Variants in WDSUB1 observed in about 807,000 individuals in gnomAD.
The protein encoded by WDSUB1 is WD repeat, sterile alpha motif and U-box domain containing 1.
WDSUB1 carries 49 observed loss-of-function variants against 53.9 expected under a neutral mutation model. The ratio of observed to expected loss-of-function variants is 0.91; its 90% CI spans 0.72 to 1.15. The LOEUF (loss-of-function observed/expected upper bound fraction) is 1.15, where lower values mean the gene tolerates loss of function less well. Ranked by LOEUF, WDSUB1 falls within the 50% of genes most tolerant of loss-of-function variation. The pLI is 0.00. For missense variants in WDSUB1, 514 were observed against 562.0 expected, an observed-to-expected ratio of 0.91 and a Z score of 0.86; for synonymous variants, 194 against 200.6, an observed-to-expected ratio of 0.97 and a Z score of 0.28.
At chr2:159,247,189 C>T (rs559530437) in intron 10 of WDSUB1, among the ~76,000 whole-genome samples, 1 of 152,270 alleles carries the variant, frequency 6.6e-6, no homozygotes, top group African/African-American at 2.4e-5. Flanking sequence ...AGCTAATTGA[C>T]TTTTATTGAG....
At chr2:159,255,422 G>A (rs964818066) in intron 9 of WDSUB1, among the ~76,000 whole-genome samples, 3 of 152,074 alleles carry the variant, frequency 2.0e-5, no homozygotes, top group Admixed American at 1.3e-4. Flanking sequence ...AACCGAGATC[G>A]CGCCACTGCA....
intron 6 of WDSUB1, 96 bp downstream of exon 6, chr2:159,259,713 GA>G: frequency 7.7e-7 from 1 of 1,302,448 alleles, no homozygotes; most frequent in Non-Finnish European, 1.0e-6. Flanking sequence ...ATACTAAACA[GA>G]AAAAATATAT....
chr2:159,257,275 T>C (rs1193885458), intron 8 of WDSUB1, among the ~76,000 whole-genome samples: 1 of 152,192 alleles, frequency 6.6e-6, no homozygotes, highest in African/African-American at 2.4e-5. Context: ...GTGCTGGGAT[T>C]ATAAGTGTGA....
intron 5 of WDSUB1, among the ~76,000 whole-genome samples, chr2:159,261,327 G>A (rs2061183796): frequency 6.6e-6 from 1 of 152,152 alleles, no homozygotes; most frequent in South Asian, 2.1e-4. Flanking sequence ...GCATCCACAG[G>A]TTTTGGTATC....
intron 3 of WDSUB1, among the ~76,000 whole-genome samples, chr2:159,276,693 G>A (rs569200138): frequency 5.3e-5 from 8 of 152,294 alleles, no homozygotes; most frequent in African/African-American, 1.9e-4. Context: ...GTTTCATCAA[G>A]TAAGTTTTGG....
intron 6 of WDSUB1, 81 bp downstream of exon 6, chr2:159,259,729 T>C (rs1332205351): frequency 7.3e-7 from 1 of 1,372,774 alleles, no homozygotes; most frequent in Non-Finnish European, 9.8e-7. Flanking sequence ...ATATATACTT[T>C]TTCTACCAGG....
rs111752652 is a variant in WDSUB1, at chr2:159,280,708, A to AAAAAAAAAC, written c.399-764_399-763insGTTTTTTTT. ...TCCGTCTCAAAAAAAAAAAAAAAAA[A>AAAAAAAAAC]ATTACCCAGAAGCAATGGCGAGGTC... is the stretch of plus-strand genomic sequence containing the variant. On this transcript the variant is annotated intron_variant, in intron 2 of 10. Coordinates refer to ENST00000359774, the MANE Select transcript of WDSUB1 (RefSeq NM_001128212.3). 6.0e-5 allele frequency among the ~76,000 whole-genome samples: 8 copies of AAAAAAAAAC among 134,316 alleles called. 2 individuals carry two copies. The highest frequency in any genetic ancestry group is 1.7e-4 in the African/African-American group (5 of 29,634). 88.1% of individuals were successfully genotyped at this position (134,316 alleles called of 152,430 possible). A position where few individuals can be genotyped will look rare whatever the true frequency, so the allele number is the denominator to read the frequency against.
At chr2:159,256,152 G>T in intron 9 of WDSUB1, 44 bp downstream of exon 9, 1 of 1,546,878 alleles carries the variant, frequency 6.5e-7, no homozygotes, top group Non-Finnish European at 8.7e-7. Context: ...AGAGTAATTT[G>T]GTAAAAGTTG....
chr2:159,279,842 C>T lies in WDSUB1; in HGVS notation c.502G>A (p.Asp168Asn). 6.2e-7 allele frequency: 1 copy of T among 1,612,660 alleles called. No individual in the cohort carries two copies. The highest frequency in any genetic ancestry group is 8.5e-7 in the Non-Finnish European group (1 of 1,178,988). The change falls in exon 3 of 11, where the codon GAT becomes AAT. Residue 168 changes from aspartate (D) to asparagine (N), a missense_variant. By Grantham distance (23) the Asp-to-Asn change is conservative. Transcript: ENST00000359774. ...TCACTATGCAGACACCTCATTTTATCATCCCACACTGTTAAATCACCACAT... is the reference window on the plus strand; with the variant it reads ...TCACTATGCAGACACCTCATTTTATTATCCCACACTGTTAAATCACCACAT... ...SSCGDLTVWD[D>N]KMRCLHSEKA...
Position 159,259,036 on chromosome 2 carries a change from A to AATTTTTTTTTTTTTTTTTTTTTTT in WDSUB1, c.804+773_804+774insAAAAAAAAAAAAAAAAAAAAAAAT, listed in dbSNP as rs1436442238. On this transcript the variant is annotated intron_variant, in intron 6 of 10. Transcript: ENST00000359774. ...GGACAATATTTTTTTCAACTACTTTATTTTTGAGACAGGGTCTCACTCTGT... is the reference window on the plus strand; with the variant it reads ...GGACAATATTTTTTTCAACTACTTTAATTTTTTTTTTTTTTTTTTTTTTTTTTTTGAGACAGGGTCTCACTCTGT... Among the ~76,000 whole-genome samples the AATTTTTTTTTTTTTTTTTTTTTTT allele has an allele frequency of 1.9e-4, 28 of 150,686 alleles. 1 individual carries two copies. Among genetic ancestry groups the AATTTTTTTTTTTTTTTTTTTTTTT allele is most frequent in the East Asian group, 6.1e-4 (3 of 4,954 alleles).
chr2:159,239,875 A>AAAAACTAAACTTCT (rs2060597527), intron 10 of WDSUB1, among the ~76,000 whole-genome samples: 1 of 152,194 alleles, frequency 6.6e-6, no homozygotes, highest in Non-Finnish European at 1.5e-5. Flanking sequence ...TGAGGTTCTG[A>AAAAACTAAACTTCT]GAAACTAAAC....
chr2:159,269,113 G>C (rs1208974119), intron 5 of WDSUB1, among the ~76,000 whole-genome samples: 4 of 150,944 alleles, frequency 2.6e-5, no homozygotes, highest in Non-Finnish European at 5.9e-5. Flanking sequence ...GGCAATACTT[G>C]AAGAGATAAT....
chr2:159,252,046 T>C (rs2060961734), intron 9 of WDSUB1, among the ~76,000 whole-genome samples: 1 of 152,156 alleles, frequency 6.6e-6, no homozygotes, highest in Non-Finnish European at 1.5e-5. Flanking sequence ...ACCACCAAGC[T>C]GGTCACTGAC....
chr2:159,246,425 C>T (rs1423546418), intron 10 of WDSUB1, among the ~76,000 whole-genome samples: 1 of 90,460 alleles, frequency 1.1e-5, no homozygotes, highest in East Asian at 2.8e-4. Context: ...GAGCGAGAGT[C>T]TGTCTCAAAA....
At position 159,256,339 on chromosome 2, in the gene WDSUB1, T is replaced by G. The variant is rs762336337; in HGVS notation, c.989A>C (p.Glu330Ala). The G allele has an allele frequency of 6.2e-7, 1 of 1,611,358 alleles. No homozygotes were observed. Among genetic ancestry groups the G allele is most frequent in the Admixed American group, 1.7e-5 (1 of 59,384 alleles). ...TGAGACATCCTCCTCTGACCAATCTTCGGTAAATTGCTTCAGCTGATGTTC... is the reference window on the plus strand; with the variant it reads ...TGAGACATCCTCCTCTGACCAATCTGCGGTAAATTGCTTCAGCTGATGTTC... The part of the protein sequence containing the change: ...RTEHQLKQFT[E>A]DWSEEDVSTW... The change falls in exon 9 of 11, where the codon GAA (glutamate) becomes GCA (alanine). Residue 330 changes from glutamate to alanine, a missense_variant. Physicochemically the swap from Glu to Ala is moderately radical, Grantham distance 107. Transcript: ENST00000359774.
At chr2:159,261,886 ATATATATATATTTTTTTTTTT>A (rs2061224713) in intron 5 of WDSUB1, among the ~76,000 whole-genome samples, 1 of 15,368 alleles carries the variant, frequency 6.5e-5, no homozygotes, top group African/African-American at 3.4e-4. Context: ...ATATATATAT[ATATATATATATTTTTTTTTTT>A]TTTTTTTTTT....
intron 10 of WDSUB1, among the ~76,000 whole-genome samples, chr2:159,243,954 A>G (rs971412347): frequency 1.3e-5 from 2 of 152,252 alleles, no homozygotes; most frequent in Non-Finnish European, 1.5e-5. Flanking sequence ...AACATGTTTA[A>G]GAAGCCAGAC....
chr2:159,240,104 T>A (rs1451064256), intron 10 of WDSUB1, among the ~76,000 whole-genome samples: 1 of 152,228 alleles, frequency 6.6e-6, no homozygotes, highest in Non-Finnish European at 1.5e-5. Flanking sequence ...TTTGTCTCTA[T>A]GGATTTGCCT....
intron 10 of WDSUB1, 119 bp downstream of exon 10, chr2:159,248,253 A>T: frequency 8.6e-7 from 1 of 1,165,348 alleles, no homozygotes; most frequent in Non-Finnish European, 1.2e-6. Flanking sequence ...AGGTTTAATT[A>T]GTTTAAGAAA....
Sources: allele counts gnomAD v4.1 joint callset (sites outside exome capture counted in the v4.1 genomes callset), GRCh38; gene constraint gnomAD v4.1.1; transcripts MANE v1.5; gene names NCBI Gene and HGNC (gene_info 2026-07-23, HGNC 2026-07-21).